DIP2C: variants seen among roughly 807,000 people sequenced by gnomAD.
The protein encoded by DIP2C is disco-interacting protein 2 homolog C.
In DIP2C, 33 loss-of-function variants were observed where a neutral mutation model predicts 192.4. The ratio of observed to expected loss-of-function variants is 0.17; its 90% CI spans 0.13 to 0.23. DIP2C has a LOEUF of 0.23. Among genes scored for constraint, DIP2C ranks in the 10% least tolerant of loss-of-function variants. The probability of loss-of-function intolerance (pLI) is 1.00; values close to 1 mark genes in which losing one functional copy is unlikely to be tolerated. For missense variants in DIP2C, 1,537 were observed against 2,110.1 expected (o/e 0.73, Z 5.32); for synonymous variants, 979 against 864.1 (o/e 1.13, Z -2.33).
chr10:514,465 C>G (rs1264737524), intron 1 of DIP2C, among the ~76,000 whole-genome samples: 1 of 152,226 alleles, frequency 6.6e-6, no homozygotes, highest in Admixed American at 6.5e-5. Flanking sequence ...CACTGCAACC[C>G]TGCAGGGCCG....
intron 8 of DIP2C, 133 bp downstream of exon 8, chr10:413,780 G>C (rs1011415586): frequency 8.9e-7 from 1 of 1,125,214 alleles, no homozygotes; most frequent in Non-Finnish European, 1.2e-6. Context: ...CTGCGCGAGG[G>C]CGTGGGCAAA....
At chr10:639,381 G>C (rs1170808280) in intron 1 of DIP2C, among the ~76,000 whole-genome samples, 1 of 137,370 alleles carries the variant, frequency 7.3e-6, no homozygotes, top group Non-Finnish European at 1.6e-5. Context: ...TCCACACATG[G>C]GGATGTGTCA....
intron 1 of DIP2C, among the ~76,000 whole-genome samples, chr10:513,233 C>T (rs1041915674): frequency 3.3e-5 from 5 of 152,158 alleles, no homozygotes; most frequent in African/African-American, 7.2e-5. Flanking sequence ...ATTTATGACT[C>T]GCTTTAGACA....
At chr10:338,687 T>G (rs931793080) in intron 29 of DIP2C, among the ~76,000 whole-genome samples, 1 of 152,158 alleles carries the variant, frequency 6.6e-6, no homozygotes. Flanking sequence ...TGATTTCTAA[T>G]TCCCCACACG....
chr10:498,336 C>G (rs1027238564), intron 1 of DIP2C, among the ~76,000 whole-genome samples: 1 of 152,214 alleles, frequency 6.6e-6, no homozygotes, highest in Non-Finnish European at 1.5e-5. Flanking sequence ...TGACTGGGCT[C>G]TAACAGGAGA....
At chr10:475,155 A>C (rs1970959860) in intron 2 of DIP2C, among the ~76,000 whole-genome samples, 1 of 152,222 alleles carries the variant, frequency 6.6e-6, no homozygotes, top group Non-Finnish European at 1.5e-5. Flanking sequence ...TTCTCCAGAT[A>C]ACACACATGG....
At chr10:604,148 C>CA (rs1258318784) in intron 1 of DIP2C, among the ~76,000 whole-genome samples, 2 of 151,918 alleles carry the variant, frequency 1.3e-5, no homozygotes, top group Non-Finnish European at 2.9e-5. Flanking sequence ...CCCACCTGGA[C>CA]AATCCAGGGT....
intron 1 of DIP2C, among the ~76,000 whole-genome samples, chr10:542,943 C>CTT (rs1419467691): frequency 1.3e-5 from 2 of 152,184 alleles, no homozygotes; most frequent in African/African-American, 2.4e-5. Context: ...GATTCTAGTT[C>CTT]TTTTCTAAGC....
At chr10:316,428 A>G (rs529686911) in intron 31 of DIP2C, among the ~76,000 whole-genome samples, 1 of 152,298 alleles carries the variant, frequency 6.6e-6, no homozygotes, top group South Asian at 2.1e-4. Flanking sequence ...ACTTTAGGTA[A>G]CTGGGTGATT....
chr10:495,843 T>G (rs555982075), intron 1 of DIP2C, among the ~76,000 whole-genome samples: 1 of 150,650 alleles, frequency 6.6e-6, no homozygotes, highest in South Asian at 2.1e-4. Context: ...AGAACATGAG[T>G]GCTGAGTACA....
At chr10:283,483 A>G in intron 34 of DIP2C, 37 bp from the exon 35 acceptor site, 1 of 1,607,606 alleles carries the variant, frequency 6.2e-7, no homozygotes, top group Non-Finnish European at 8.5e-7. Flanking sequence ...GGATGACATT[A>G]TTTTATCTCC....
At chr10:545,180 T>TTTTTTTTTTTTTC (rs1323995990) in intron 1 of DIP2C, among the ~76,000 whole-genome samples, 24 of 144,768 alleles carry the variant, frequency 1.7e-4, no homozygotes, top group African/African-American at 6.3e-4. Context: ...TTTTTTTTTT[T>TTTTTTTTTTTTTC]TTTTTTTTTG....
intron 4 of DIP2C, among the ~76,000 whole-genome samples, chr10:427,451 G>A (rs914741045): frequency 6.6e-6 from 1 of 152,082 alleles, no homozygotes; most frequent in Non-Finnish European, 1.5e-5. Flanking sequence ...TTGGGGGAGG[G>A]TCATTATTCT....
Position 281,253 on chromosome 10 carries a change from G to A in DIP2C, c.4365C>T (p.His1455=). 1 of 1,614,170 alleles carries A rather than the reference G, an allele frequency of 6.2e-7. No homozygotes were observed. The highest frequency in any genetic ancestry group is 1.1e-5 in the South Asian group (1 of 91,078). The change falls in exon 36 of 37, where the codon CAC becomes CAT. Residue 1455 remains histidine, a synonymous_variant. Coordinates refer to ENST00000280886, the MANE Select transcript of DIP2C (RefSeq NM_014974.3). ...TGACCGAGGTCTCAATGTCGATTGG[G>A]TGGTACCGCATGCCCCGCAGCTCCA... ...EAMELRGMRY[H]PIDIETSVIR...
intron 1 of DIP2C, among the ~76,000 whole-genome samples, chr10:579,816 T>C (rs11253261): frequency 0.05 from 7,577 of 151,972 alleles, 247 homozygotes; most frequent in East Asian, 0.084. Context: ...TACACTATAA[T>C]GTGTACATGC....
At chr10:630,692 G>A (rs1315266325) in intron 1 of DIP2C, 3 of 152,300 alleles carry the variant, frequency 2.0e-5, no homozygotes, top group African/African-American at 4.8e-5. Context: ...TGCAGTGAAT[G>A]TTCAGGAAAC....
intron 1 of DIP2C, chr10:663,618 T>C (rs1856895510): frequency 6.6e-6 from 1 of 152,214 alleles, no homozygotes; most frequent in Non-Finnish European, 1.5e-5. Flanking sequence ...GAAATAAAGT[T>C]GTACGCGGAT....
intron 28 of DIP2C, among the ~76,000 whole-genome samples, chr10:341,846 C>G (rs1958162458): frequency 6.6e-6 from 1 of 152,136 alleles, no homozygotes; most frequent in Non-Finnish European, 1.5e-5. Context: ...CACTGCACTC[C>G]AGCCTGGACA....
intron 5 of DIP2C, among the ~76,000 whole-genome samples, chr10:422,240 G>A (rs1015676888): frequency 6.6e-6 from 1 of 152,196 alleles, no homozygotes; most frequent in Non-Finnish European, 1.5e-5. Context: ...AAGGCAGAGC[G>A]ACGTGAGGCC....
Sources: gnomAD v4.1 joint callset for allele counts (sites outside exome capture counted in the v4.1 genomes callset) on GRCh38, gnomAD v4.1.1 for gene constraint, MANE v1.5 for transcripts, NCBI Gene and HGNC (gene_info 2026-07-23, HGNC 2026-07-21) for gene names.